The following EIF4G2 variants were observed in gnomAD, a reference collection of about 807,000 sequenced individuals.
The protein encoded by EIF4G2 is eukaryotic translation initiation factor 4 gamma 2, also known as DAP-5.
EIF4G2 carries 8 observed loss-of-function variants against 117.7 expected under a neutral mutation model. The observed-to-expected ratio is 0.07, with a 90% CI of 0.04 to 0.12. The LOEUF (loss-of-function observed/expected upper bound fraction) is 0.12, where lower values mean the gene tolerates loss of function less well. Ranked by LOEUF, EIF4G2 falls within the 10% of genes least tolerant of loss-of-function variation. The pLI is 1.00. For missense variants in EIF4G2, 812 were observed against 1,086.2 expected (o/e 0.75, Z 3.55); for synonymous variants, 413 against 367.8 (o/e 1.12, Z -1.41).
chr11:10,805,447 TTCAAGA>T (rs769582588), intron 4 of EIF4G2, among the ~76,000 whole-genome samples: 93 of 137,854 alleles, frequency 6.7e-4, no homozygotes, highest in Non-Finnish European at 1.3e-3. Context: ...TGTTCTTCAG[TTCAAGA>T]TACATTTTTT....
intron 14 of EIF4G2, chr11:10,801,446 C>G: frequency 1.4e-6 from 1 of 699,942 alleles, no homozygotes; most frequent in Non-Finnish European, 2.5e-6. Flanking sequence ...AGTTTTCTTG[C>G]TCTAACAGAC....
chr11:10,799,340 C>T lies in EIF4G2; in HGVS notation c.2409G>A (p.Glu803=), dbSNP rs1180152188. The T allele has an allele frequency of 2.2e-5, 36 of 1,613,648 alleles. No individual in the cohort carries two copies. Among genetic ancestry groups the T allele is most frequent in the Non-Finnish European group, 3.0e-5 (35 of 1,180,012 alleles). ...AAGATAGTAGTAGTTGTTTTTCCTGCTCTAACTGTTCTTTGGAAGGAGCAG... is the reference window on the plus strand; with the variant it reads ...AAGATAGTAGTAGTTGTTTTTCCTGTTCTAACTGTTCTTTGGAAGGAGCAG... Residue 803 remains glutamate (E), a synonymous_variant, in exon 20 of 22, where the codon GAG becomes GAA. Coordinates refer to ENST00000339995, the MANE Select transcript of EIF4G2 (RefSeq NM_001418.4).
rs1003769217 is a variant in EIF4G2 at position 10,797,957 on chromosome 11, TAC to T, written c.2659-78_2659-77del. ...CCATCCAAAAAGTTTTAGGTGGTACTACACAGTTTTAGAATATGAAACAAGGA... is the reference window on the plus strand; with the variant it reads ...CCATCCAAAAAGTTTTAGGTGGTACTACAGTTTTAGAATATGAAACAAGGA... On this transcript the variant is annotated intron_variant, in intron 21 of 21. Coordinates refer to ENST00000339995, the MANE Select transcript of EIF4G2 (RefSeq NM_001418.4). This position sits in a 1 kb window ranked among gnomAD's most constrained non-coding sequence, Gnocchi z 4.5. 1.5e-5 allele frequency: 20 copies of T among 1,320,850 alleles called. No homozygotes were observed. The highest frequency in any genetic ancestry group is 2.9e-5 in the African/African-American group (2 of 68,950). 81.8% of individuals were successfully genotyped at this position (1,320,850 alleles called of 1,614,324 possible). A position where few individuals can be genotyped will look rare whatever the true frequency, so the allele number is the denominator to read the frequency against.
Position 10,803,416 on chromosome 11 carries a change from C to T in EIF4G2, c.813+64G>A, listed in dbSNP as rs1204471269. 9 of 1,568,106 alleles carry T rather than the reference C, an allele frequency of 5.7e-6. No homozygotes were observed. The African/African-American group carries it at 1.1e-4, about 19-fold the overall frequency. ...AATATGGCAATCCCTTATGATGTCA[C>T]AAAAATCAATAGCTTGATTTAAAGA... On this transcript the variant is annotated intron_variant, in intron 9 of 21. Transcript: ENST00000339995. The surrounding 1 kb of genome is among the most constrained non-coding windows in gnomAD (Gnocchi z 4.0).
intron 2 of EIF4G2, 136 bp from the exon 3 acceptor site, chr11:10,807,021 A>G: frequency 1.7e-6 from 2 of 1,162,012 alleles, no homozygotes; most frequent in Non-Finnish European, 2.5e-6. Flanking sequence ...CCAGGCCTGT[A>G]TTTTAGTGCT....
chr11:10,800,536 T>C lies in EIF4G2; in HGVS notation c.1756A>G (p.Ile586Val), dbSNP rs749678055. Residue 586 changes from isoleucine to valine, a missense_variant, in exon 17 of 22, where the codon ATC becomes GTC. Physicochemically the swap from Ile to Val is conservative, Grantham distance 29. Transcript: ENST00000339995. The stretch of plus-strand genomic sequence containing the variant: ...TCGCTTCTATCTAGTGACAGGATGA[T>C]TACTTTGCTTAACATCTCAGGAAGA... 6.2e-7 allele frequency: 1 copy of C among 1,614,196 alleles called. No homozygotes were observed. The highest frequency in any genetic ancestry group is 1.7e-5 in the Admixed American group (1 of 60,026).
intron 3 of EIF4G2, 73 bp downstream of exon 3, chr11:10,806,747 A>C: frequency 6.5e-7 from 1 of 1,548,484 alleles, no homozygotes; most frequent in South Asian, 1.1e-5. Flanking sequence ...TATTGCCTTA[A>C]TTATACCGTC....
At chr11:10,808,273 A>G in intron 1 of EIF4G2, 2 of 1,214,122 alleles carry the variant, frequency 1.6e-6, no homozygotes, top group Non-Finnish European at 2.1e-6. Context: ...CAGGTCCTAC[A>G]CACCTCCCCG....
intron 3 of EIF4G2, 166 bp from the exon 4 acceptor site, chr11:10,806,213 C>T (rs1590045032): frequency 1.1e-6 from 1 of 897,962 alleles, no homozygotes; most frequent in South Asian, 1.8e-5. Flanking sequence ...ATCAGAATCA[C>T]CTGAAGGGCT....
In EIF4G2 at chr11:10,797,747, G is replaced by C; in HGVS notation, c.*69C>G. ...TTACAGCGGAATGAATTTTCGCAGT[G>C]GTTAGGTCAAATGCAGTTACATCAT... On this transcript the variant is annotated 3_prime_UTR_variant, in exon 22 of 22. Coordinates refer to ENST00000339995, the MANE Select transcript of EIF4G2 (RefSeq NM_001418.4). The surrounding 1 kb of genome is among the most constrained non-coding windows in gnomAD (Gnocchi z 4.5). 6.8e-7 allele frequency: 1 copy of C among 1,481,216 alleles called. No individual in the cohort carries two copies. Among genetic ancestry groups the C allele is most frequent in the Non-Finnish European group, 9.4e-7 (1 of 1,064,334 alleles). The allele number at this position is 1,481,216 out of a possible 1,614,324, so 91.8% of individuals were successfully genotyped here. A position where few individuals can be genotyped will look rare whatever the true frequency, so the allele number is the denominator to read the frequency against.
Position 10,800,352 on chromosome 11 carries a change from G to C in EIF4G2, c.1861-4C>G, listed in dbSNP as rs563475625. ...GGTCCAATACATTCAGGAAAGCCTT[G>C]AAAGAAATATACAACAGTTTATCAG... On this transcript the variant is annotated splice_polypyrimidine_tract_variant and splice_region_variant and intron_variant, in intron 17 of 21. Coordinates refer to ENST00000339995, the MANE Select transcript of EIF4G2 (RefSeq NM_001418.4). 1.9e-6 allele frequency: 3 copies of C among 1,613,308 alleles called. No individual in the cohort carries two copies. Among genetic ancestry groups the C allele is most frequent in the Non-Finnish European group, 1.7e-6 (2 of 1,179,312 alleles).
Position 10,803,817 on chromosome 11 carries a change from T to TCA in EIF4G2, c.702+80_702+81dup, listed in dbSNP as rs904616171. 7.3e-6 allele frequency: 11 copies of TCA among 1,504,392 alleles called. No homozygotes were observed. In the Admixed American group the frequency reaches 1.0e-4, roughly 14 times the overall value. 93.2% of individuals were successfully genotyped at this position (1,504,392 alleles called of 1,614,324 possible). A position where few individuals can be genotyped will look rare whatever the true frequency, so the allele number is the denominator to read the frequency against. On this transcript the variant is annotated intron_variant, in intron 8 of 21. Transcript: ENST00000339995. This position sits in a 1 kb window ranked among gnomAD's most constrained non-coding sequence, Gnocchi z 4.0. ...TTGTTGCACATCTGTATTTAACTAGTCAACCTCCCTCTTAGATGAATAATT... is the reference window on the plus strand; with the variant it reads ...TTGTTGCACATCTGTATTTAACTAGTCACAACCTCCCTCTTAGATGAATAATT...
At position 10,803,397 on chromosome 11, in the gene EIF4G2, G is replaced by C; in HGVS notation, c.813+83C>G. The C allele has an allele frequency of 6.4e-7, 1 of 1,550,632 alleles. No individual in the cohort carries two copies. Among genetic ancestry groups the C allele is most frequent in the South Asian group, 1.1e-5 (1 of 88,840 alleles). ...ATAACCCAGTTAATGGCTAAATATG[G>C]CAATCCCTTATGATGTCACAAAAAT... On this transcript the variant is annotated intron_variant, in intron 9 of 21. Transcript: ENST00000339995. The surrounding 1 kb of genome is among the most constrained non-coding windows in gnomAD (Gnocchi z 4.0).
chr11:10,805,218 C>G (rs1420403830), intron 4 of EIF4G2, among the ~76,000 whole-genome samples: 4 of 152,108 alleles, frequency 2.6e-5, no homozygotes, highest in African/African-American at 9.7e-5. Flanking sequence ...ACTGGGGGGT[C>G]CCCAGCTGTT....
Position 10,799,545 on chromosome 11 carries a change from G to C in EIF4G2, c.2324+7C>G, listed in dbSNP as rs191773801. 3 of 1,612,862 alleles carry C rather than the reference G, an allele frequency of 1.9e-6. No individual in the cohort carries two copies. Among genetic ancestry groups the C allele is most frequent in the Non-Finnish European group, 2.5e-6 (3 of 1,179,282 alleles). On this transcript the variant is annotated splice_region_variant and intron_variant, in intron 19 of 21. Transcript: ENST00000339995. Reference sequence around the variant, plus strand: ...CATTACCATATGCAGAAAACCATTCGTCTTACCTAGTCATTAAGATGTTCA... The same window carrying C: ...CATTACCATATGCAGAAAACCATTCCTCTTACCTAGTCATTAAGATGTTCA...
chr11:10,808,683 C>T (rs1847669585), intron 1 of EIF4G2, 22 bp downstream of exon 1: 2 of 215,564 alleles, frequency 9.3e-6, no homozygotes, highest in Non-Finnish European at 1.8e-5. Flanking sequence ...CTCCACTCGG[C>T]GGCGGCAGCG....
chr11:10,798,923 G>T lies in EIF4G2; in HGVS notation c.2658+69C>A, dbSNP rs561757611. 16 of 1,541,374 alleles carry T rather than the reference G, an allele frequency of 1.0e-5. No individual in the cohort carries two copies. The African/African-American group carries it at 2.2e-4, about 21-fold the overall frequency. On this transcript the variant is annotated intron_variant, in intron 21 of 21. Coordinates refer to ENST00000339995, the MANE Select transcript of EIF4G2 (RefSeq NM_001418.4). ...CCTTGCCTGTATTTCAGTTGAAAAAGGCTCTTAACTTGAAGTTAATACCAA... is the reference window on the plus strand; with the variant it reads ...CCTTGCCTGTATTTCAGTTGAAAAATGCTCTTAACTTGAAGTTAATACCAA...
Position 10,806,136 on chromosome 11 carries a change from G to A in EIF4G2, c.108-89C>T, listed in dbSNP as rs958281208. ...CTCTTACATAGAAAAAAGTAATTTAGGCTTTCTCGACTTCCCCTCCAAGAA... is the reference window on the plus strand; with the variant it reads ...CTCTTACATAGAAAAAAGTAATTTAAGCTTTCTCGACTTCCCCTCCAAGAA... On this transcript the variant is annotated intron_variant, in intron 3 of 21. Coordinates refer to ENST00000339995, the MANE Select transcript of EIF4G2 (RefSeq NM_001418.4). The A allele has an allele frequency of 1.7e-5, 27 of 1,561,972 alleles. No homozygotes were observed. The African/African-American group carries it at 3.6e-4, about 21-fold the overall frequency.
chr11:10,807,767 T>C, intron 1 of EIF4G2: 1 of 991,368 alleles, frequency 1.0e-6, no homozygotes, highest in Middle Eastern at 5.2e-4. Flanking sequence ...AGCGACTAGA[T>C]GAGGTCTCTC....
Sources: gnomAD v4.1 joint callset for allele counts (sites outside exome capture counted in the v4.1 genomes callset) on GRCh38, gnomAD v4.1.1 for gene constraint, Gnocchi (gnomAD v3.1) non-coding constraint, MANE v1.5 for transcripts, NCBI Gene and HGNC (gene_info 2026-07-23, HGNC 2026-07-21) for gene names.